Variants in TMEM164 observed in about 807,000 individuals in gnomAD.
The protein encoded by TMEM164 is RP13-360B22.2.
Under a neutral mutation model 18.8 loss-of-function variants are expected in TMEM164, and 4 were observed. That is an observed-to-expected ratio of 0.21 (90% confidence interval 0.10 to 0.49). The LOEUF is 0.49. TMEM164 is among the 20% of genes least tolerant of loss of function. The pLI is 0.98. For synonymous variants in TMEM164, 86 were observed against 101.7 expected (o/e 0.85, Z 0.93); for missense variants, 108 against 239.9 (o/e 0.45, Z 3.63).
At chrX:110,118,923 T>C (rs1217202593) in intron 4 of TMEM164, among the ~76,000 whole-genome samples, 1 of 111,663 alleles carries the variant, frequency 9.0e-6, no homozygotes, top group Non-Finnish European at 1.9e-5. Flanking sequence ...TAGCACCTGG[T>C]AGATATCTAT....
At chrX:110,117,774 G>A (rs1250267565) in intron 4 of TMEM164, among the ~76,000 whole-genome samples, 5 of 111,787 alleles carry the variant, frequency 4.5e-5, no homozygotes, top group African/African-American at 1.6e-4. Flanking sequence ...TTGCCTCAAG[G>A]GTAAATTGTG....
intron 3 of TMEM164, among the ~76,000 whole-genome samples, chrX:110,073,181 G>A (rs1459916875): frequency 9.0e-6 from 1 of 111,126 alleles, no homozygotes; most frequent in Non-Finnish European, 1.9e-5. Context: ...ACAGGCACTA[G>A]CTGTGACACC....
At chrX:110,141,955 A>T (rs1216016469) in intron 4 of TMEM164, among the ~76,000 whole-genome samples, 1 of 111,509 alleles carries the variant, frequency 9.0e-6, no homozygotes, top group African/African-American at 3.3e-5. Context: ...CACCTAGTTC[A>T]GTACTCTTTG....
chrX:110,016,799 G>A (rs1478934638), intron 2 of TMEM164, among the ~76,000 whole-genome samples: 1 of 110,472 alleles, frequency 9.1e-6, no homozygotes, highest in African/African-American at 3.3e-5. Context: ...TGGAACCACA[G>A]GCACGCATCA....
chrX:110,040,397 C>T (rs985762981), intron 2 of TMEM164, among the ~76,000 whole-genome samples: 7 of 111,463 alleles, frequency 6.3e-5, no homozygotes, highest in Non-Finnish European at 1.3e-4. Context: ...TTATAAAATA[C>T]TCAGGGAAAT....
rs755664645 is a variant in TMEM164, at chrX:110,081,166, G to T, written c.440+13770G>T. Among the ~76,000 whole-genome samples, 12 of 111,122 alleles carry T rather than the reference G, an allele frequency of 1.1e-4. No individual in the cohort carries two copies. In the East Asian group the frequency reaches 3.1e-3, roughly 29 times the overall value. On this transcript the variant is annotated intron_variant, in intron 3 of 6. Transcript: ENST00000372068. ...CTTTACATTAGTATTGTTCTTTACT[G>T]TTTAAAAGTTCTTTGCTTTAAATTT...
chrX:110,005,645 G>A (rs1932656828), intron 2 of TMEM164, among the ~76,000 whole-genome samples: 1 of 112,340 alleles, frequency 8.9e-6, no homozygotes, highest in Non-Finnish European at 1.9e-5. Context: ...TTTTAAGAGA[G>A]GGCTTCTTGG....
At chrX:110,022,956 T>C (rs887201307) in intron 2 of TMEM164, among the ~76,000 whole-genome samples, 6 of 112,364 alleles carry the variant, frequency 5.3e-5, no homozygotes, top group Admixed American at 4.7e-4. Flanking sequence ...TCACACCACT[T>C]GGGAATGGCA....
rs769369652 is a variant in TMEM164, at chrX:110,035,311, TCTC to T, written c.390+31150_390+31152del. Reference sequence around the variant, plus strand: ...CAAAAATGTTAACATTTTTGCTTATTCTCCTTCTTCTCTTCACATTATTTTACA... The same window carrying T: ...CAAAAATGTTAACATTTTTGCTTATTCTTCTTCTCTTCACATTATTTTACA... On this transcript the variant is annotated intron_variant, in intron 2 of 6. Coordinates refer to ENST00000372068, the MANE Select transcript of TMEM164 (RefSeq NM_032227.4). Among the ~76,000 whole-genome samples the T allele has an allele frequency of 4.5e-5, 5 of 110,030 alleles. No individual in the cohort carries two copies. In the East Asian group the frequency reaches 1.4e-3, roughly 32 times the overall value.
Position 110,144,854 on chromosome X carries a change from C to T in TMEM164, c.564C>T (p.Pro188=). 1 of 1,206,403 alleles carries T rather than the reference C, an allele frequency of 8.3e-7. No individual in the cohort carries two copies. Among genetic ancestry groups the T allele is most frequent in the Non-Finnish European group, 1.1e-6 (1 of 891,685 alleles). ...YIQHVMLYVV[P]IYLLWKGGAY... is the part of the protein sequence containing the mutation. ...AGCATGTTATGCTCTACGTGGTACCCATCTACCTGCTTTGGAAAGGAGGTA... is the reference window on the plus strand; with the variant it reads ...AGCATGTTATGCTCTACGTGGTACCTATCTACCTGCTTTGGAAAGGAGGTA... The change falls in exon 5 of 7, where the codon CCC becomes CCT. Residue 188 remains proline, a synonymous_variant. Transcript: ENST00000372068.
At chrX:110,060,800 G>T (rs1936089520) in intron 2 of TMEM164, among the ~76,000 whole-genome samples, 1 of 111,192 alleles carries the variant, frequency 9.0e-6, no homozygotes, top group South Asian at 3.8e-4. Flanking sequence ...CCCTGATTTG[G>T]GTTTATCTGA....
rs890100340 is a variant in TMEM164, at chrX:110,161,288, C to T, written c.587-10132C>T. On this transcript the variant is annotated intron_variant, in intron 5 of 6. Transcript: ENST00000372068. ...TGAGTTTCCTGTTTCTCCTCCATAC[C>T]ATTGAGCCCATTGCCCCTCCCATCT... is the stretch of plus-strand genomic sequence containing the variant. Among the ~76,000 whole-genome samples the T allele has an allele frequency of 2.7e-5, 3 of 111,766 alleles. No individual in the cohort carries two copies. In the Admixed American group the frequency reaches 2.8e-4, roughly 11 times the overall value.
At chrX:110,151,328 T>A (rs1453752678) in intron 5 of TMEM164, among the ~76,000 whole-genome samples, 1 of 111,635 alleles carries the variant, frequency 9.0e-6, no homozygotes, top group East Asian at 2.8e-4. Flanking sequence ...GTTGTACCAG[T>A]TTAAATGTTT....
chrX:110,174,362 C>T lies in TMEM164; in HGVS notation c.*911C>T, dbSNP rs1481570887. 2.0e-4 allele frequency: 15 copies of T among 76,127 alleles called. No individual in the cohort carries two copies. Among genetic ancestry groups the T allele is most frequent in the African/African-American group, 7.4e-4 (15 of 20,337 alleles). The allele number at this position is 76,127 out of a possible 1,213,427, so 6.3% of individuals were successfully genotyped here. A position where few individuals can be genotyped will look rare whatever the true frequency, so the allele number is the denominator to read the frequency against. On this transcript the variant is annotated 3_prime_UTR_variant, in exon 7 of 7. Coordinates refer to ENST00000372068, the MANE Select transcript of TMEM164 (RefSeq NM_032227.4). ...TGTTCCCTCTCCCTTTCCCTCTCCC[C>T]CCACCCCTCCCCCTCCCCCCTCCCT...
intron 2 of TMEM164, among the ~76,000 whole-genome samples, chrX:110,062,414 C>T (rs1287054142): frequency 1.8e-5 from 2 of 111,547 alleles, no homozygotes; most frequent in Admixed American, 9.5e-5. Flanking sequence ...ATGATAATGA[C>T]CTGTTTGTCA....
At chrX:110,177,862 C>T (rs1007215785), downstream of TMEM164, 13 of 112,260 alleles carry the variant, frequency 1.2e-4, no homozygotes, top group Non-Finnish European at 2.1e-4. Context: ...CAAAAGGGGC[C>T]TCTGGCCCTC....
chrX:110,112,951 G>T (rs2066311366), intron 4 of TMEM164, among the ~76,000 whole-genome samples: 1 of 110,784 alleles, frequency 9.0e-6, no homozygotes, highest in South Asian at 3.8e-4. Flanking sequence ...AATTTTGGGG[G>T]GACACAATTC....
chrX:110,172,569 AC>A (rs761565862), intron 6 of TMEM164, among the ~76,000 whole-genome samples: 1 of 110,983 alleles, frequency 9.0e-6, no homozygotes, highest in African/African-American at 3.3e-5. Context: ...CAAAGTTCAC[AC>A]CCTTACCACT....
intron 3 of TMEM164, among the ~76,000 whole-genome samples, chrX:110,101,373 T>G (rs1004023083): frequency 9.0e-6 from 1 of 111,377 alleles, no homozygotes; most frequent in Admixed American, 9.6e-5. Context: ...TTTTGAAGAA[T>G]ATGTCCATTT....
Sources: gnomAD v4.1 joint callset for allele counts (sites outside exome capture counted in the v4.1 genomes callset) on GRCh38, gnomAD v4.1.1 for gene constraint, MANE v1.5 for transcripts, NCBI Gene and HGNC (gene_info 2026-07-23, HGNC 2026-07-21) for gene names.